Variants in SGCZ observed in about 807,000 individuals in gnomAD.
SGCZ encodes the protein sarcoglycan zeta.
Under a neutral mutation model 41.3 loss-of-function variants are expected in SGCZ, and 40 were observed. The ratio of observed to expected loss-of-function variants is 0.97; its 90% confidence interval spans 0.75 to 1.26. The LOEUF (loss-of-function observed/expected upper bound fraction) is 1.26, where lower values mean the gene tolerates loss of function less well. Ranked by LOEUF, SGCZ falls within the 50% of genes most tolerant of loss-of-function variation. The probability of loss-of-function intolerance (pLI) is 0.00; values close to 1 mark genes in which losing one functional copy is unlikely to be tolerated. For missense variants in SGCZ, 552 were observed against 369.8 expected (o/e 1.49, Z -4.04); for synonymous variants, 206 against 137.5 (o/e 1.50, Z -3.49).
At chr8:14,250,629 A>G (rs1799251184) in intron 3 of SGCZ, among the ~76,000 whole-genome samples, 1 of 152,184 alleles carries the variant, frequency 6.6e-6, no homozygotes, top group Admixed American at 6.5e-5. Flanking sequence ...CACCAGTCCT[A>G]CAAATACCAC....
Position 14,588,145 on chromosome 8 carries a change from A to T in SGCZ, c.40-33219T>A, listed in dbSNP as rs1805120713. ...GTAAGAATTTTGTGTCTATGTTATTAGACCAAATTAGAATATGATAAAATT... is the reference window on the plus strand; with the variant it reads ...GTAAGAATTTTGTGTCTATGTTATTTGACCAAATTAGAATATGATAAAATT... On this transcript the variant is annotated intron_variant, in intron 1 of 7. Coordinates refer to ENST00000382080, the MANE Select transcript of SGCZ (RefSeq NM_139167.4). 1.3e-5 allele frequency among the ~76,000 whole-genome samples: 2 copies of T among 152,000 alleles called. 1 individual carries two copies. The highest frequency in any genetic ancestry group is 4.1e-4 in the South Asian group (2 of 4,822).
chr8:14,559,226 A>G (rs1397427080), intron 1 of SGCZ, among the ~76,000 whole-genome samples: 1 of 152,022 alleles, frequency 6.6e-6, no homozygotes, highest in Non-Finnish European at 1.5e-5. Context: ...TATACCTAGA[A>G]AACCCTAAAG....
chr8:14,209,402 C>T lies in SGCZ; in HGVS notation c.424+28190G>A, dbSNP rs572546368. ...CACTCCTTGTGTGTGTTTTCCTGAC[C>T]TTAATTTTCTTGGTGTGAGACAGGA... On this transcript the variant is annotated intron_variant, in intron 4 of 7. Coordinates refer to ENST00000382080, the MANE Select transcript of SGCZ (RefSeq NM_139167.4). 1.0e-3 allele frequency among the ~76,000 whole-genome samples: 155 copies of T among 151,998 alleles called. 1 individual carries two copies. Among genetic ancestry groups the T allele is most frequent in the Middle Eastern group, 3.4e-3 (1 of 294 alleles).
At chr8:15,050,256 G>A (rs544973584) in intron 1 of SGCZ, among the ~76,000 whole-genome samples, 11 of 152,272 alleles carry the variant, frequency 7.2e-5, no homozygotes, top group Admixed American at 5.2e-4. Flanking sequence ...TTGAACATAT[G>A]AAAGTTGAGA....
At chr8:15,026,938 G>C (rs544602892) in intron 1 of SGCZ, among the ~76,000 whole-genome samples, 6 of 152,250 alleles carry the variant, frequency 3.9e-5, no homozygotes, top group African/African-American at 1.4e-4. Flanking sequence ...TGTGCTGATG[G>C]TTAATATGTT....
intron 1 of SGCZ, among the ~76,000 whole-genome samples, chr8:14,922,430 T>C (rs1799615842): frequency 6.6e-6 from 1 of 152,118 alleles, no homozygotes; most frequent in Non-Finnish European, 1.5e-5. Flanking sequence ...ATGGGCTACC[T>C]AATTTTTATG....
At chr8:14,129,458 A>G (rs1458386318) in intron 5 of SGCZ, among the ~76,000 whole-genome samples, 13 of 151,782 alleles carry the variant, frequency 8.6e-5, no homozygotes, top group Admixed American at 8.5e-4. Context: ...TAGAAATTAA[A>G]CAATAGCCTC....
At chr8:14,507,833 G>A (rs1802352459) in intron 2 of SGCZ, among the ~76,000 whole-genome samples, 1 of 150,000 alleles carries the variant, frequency 6.7e-6, no homozygotes, top group South Asian at 2.1e-4. Context: ...GTGCAATGGC[G>A]CGATCTCAGC....
At chr8:14,227,083 G>C (rs1464289105) in intron 4 of SGCZ, among the ~76,000 whole-genome samples, 2 of 152,048 alleles carry the variant, frequency 1.3e-5, no homozygotes, top group East Asian at 1.9e-4. Flanking sequence ...CAGCCCGCAA[G>C]TGAGAAGAAT....
At chr8:14,730,741 G>T (rs1205561208) in intron 1 of SGCZ, among the ~76,000 whole-genome samples, 11 of 151,702 alleles carry the variant, frequency 7.3e-5, no homozygotes, top group Admixed American at 5.9e-4. Flanking sequence ...TAGGACTTGT[G>T]CCTATCTCAA....
At chr8:14,189,267 A>G (rs113380921) in intron 4 of SGCZ, among the ~76,000 whole-genome samples, 2 of 152,030 alleles carry the variant, frequency 1.3e-5, no homozygotes, top group Admixed American at 1.3e-4. Flanking sequence ...ACTTCCCAAT[A>G]TATCTTCTTC....
chr8:15,145,838 A>T (rs144821277), intron 1 of SGCZ, among the ~76,000 whole-genome samples: 1 of 152,316 alleles, frequency 6.6e-6, no homozygotes, highest in East Asian at 1.9e-4. Flanking sequence ...AGAAAATGGC[A>T]CAGAAATTTA....
At chr8:14,553,672 G>C (rs570474921) in intron 2 of SGCZ, among the ~76,000 whole-genome samples, 8 of 152,026 alleles carry the variant, frequency 5.3e-5, no homozygotes, top group Non-Finnish European at 1.2e-4. Context: ...ACGGCAGCTA[G>C]GGTCATTTTC....
intron 1 of SGCZ, among the ~76,000 whole-genome samples, chr8:15,173,088 G>A (rs892608229): frequency 6.6e-6 from 1 of 152,146 alleles, no homozygotes; most frequent in Non-Finnish European, 1.5e-5. Flanking sequence ...GGGGTTGTGT[G>A]CAGACTTAAG....
At chr8:14,118,701 C>A (rs1350923027) in intron 5 of SGCZ, among the ~76,000 whole-genome samples, 1 of 152,104 alleles carries the variant, frequency 6.6e-6, no homozygotes, top group African/African-American at 2.4e-5. Context: ...TTAGGTGTTA[C>A]ATTTAGGTCT....
intron 2 of SGCZ, among the ~76,000 whole-genome samples, chr8:14,495,258 A>C (rs1801957318): frequency 6.6e-6 from 1 of 152,162 alleles, no homozygotes; most frequent in Admixed American, 6.5e-5. Context: ...AATGTTTGTA[A>C]CCAGTTCACA....
intron 1 of SGCZ, among the ~76,000 whole-genome samples, chr8:15,186,262 CAAAAAAAAAAAAAAAAAAAAAAAAA>C (rs61237091): frequency 1.5e-4 from 12 of 80,714 alleles, no homozygotes; most frequent in African/African-American, 4.5e-4. Flanking sequence ...GATTCCGTAC[CAAAAAAAAAAAAAAAAAAAAAAAAA>C]AAAAAAAAAA....
intron 2 of SGCZ, among the ~76,000 whole-genome samples, chr8:14,357,423 A>G (rs1173299697): frequency 6.6e-6 from 1 of 152,228 alleles, no homozygotes; most frequent in Non-Finnish European, 1.5e-5. Flanking sequence ...TGTAGCAATG[A>G]CAATAGTTAT....
At chr8:14,687,392 T>G (rs1401386289) in intron 1 of SGCZ, among the ~76,000 whole-genome samples, 3 of 147,354 alleles carry the variant, frequency 2.0e-5, no homozygotes, top group African/African-American at 7.3e-5. Context: ...CCCCTTCCTG[T>G]GTCCATGTGT....
Sources: gnomAD v4.1 joint callset for allele counts (sites outside exome capture counted in the v4.1 genomes callset) on GRCh38, gnomAD v4.1.1 for gene constraint, MANE v1.5 for transcripts, NCBI Gene and HGNC (gene_info 2026-07-23, HGNC 2026-07-21) for gene names.